The following TMCO1 variants were observed in gnomAD, a reference collection of about 807,000 sequenced individuals.
TMCO1 encodes transmembrane and coiled-coil domains 1.
TMCO1 carries 29 observed loss-of-function variants against 29.3 expected under a neutral mutation model. The observed-to-expected ratio is 0.99, with a 90% confidence interval of 0.74 to 1.35. The LOEUF (loss-of-function observed/expected upper bound fraction) is 1.35, where lower values mean the gene tolerates loss of function less well. TMCO1 is among the 40% of genes most tolerant of loss of function. TMCO1 has a pLI of 0.00. For missense variants in TMCO1, 173 were observed against 225.5 expected (o/e 0.77, Z 1.49); for synonymous variants, 80 against 77.1 (o/e 1.04, Z -0.20).
At chr1:165,754,740 T>A (rs73014620) in intron 3 of TMCO1, 1 of 164,074 alleles carries the variant, frequency 6.1e-6, no homozygotes, top group South Asian at 1.6e-4. Flanking sequence ...AGCTGGGCAA[T>A]CCCAGCTCTT....
At chr1:165,752,617 A>G (rs1467791454) in intron 4 of TMCO1, among the ~76,000 whole-genome samples, 2 of 145,862 alleles carry the variant, frequency 1.4e-5, no homozygotes, top group African/African-American at 5.1e-5. Context: ...ACATGGTGAA[A>G]CCCCATCTCT....
At chr1:165,765,473 G>T (rs1022523664) in intron 2 of TMCO1, among the ~76,000 whole-genome samples, 3 of 152,130 alleles carry the variant, frequency 2.0e-5, no homozygotes, top group Non-Finnish European at 4.4e-5. Context: ...TAGTGGAGAC[G>T]GGGTTTCACT....
At chr1:165,732,477 T>TTCTC (rs143135718) in intron 6 of TMCO1, among the ~76,000 whole-genome samples, 45 of 144,074 alleles carry the variant, frequency 3.1e-4, no homozygotes, top group Middle Eastern at 7.1e-3. Flanking sequence ...AGCAAATGGT[T>TTCTC]TCTCTCTCTC....
intron 4 of TMCO1, among the ~76,000 whole-genome samples, chr1:165,753,783 C>A (rs1652085182): frequency 6.6e-6 from 1 of 152,070 alleles, no homozygotes; most frequent in Non-Finnish European, 1.5e-5. Context: ...TGCATTCCAG[C>A]ATGGTTGACA....
downstream of TMCO1, chr1:165,725,037 T>A (rs1397199037): frequency 4.3e-6 from 1 of 234,600 alleles, no homozygotes; most frequent in Non-Finnish European, 8.2e-6. Context: ...TATATATATA[T>A]ATATATATAT....
chr1:165,726,498 T>C (rs1016274594), downstream of TMCO1: 36 of 507,268 alleles, frequency 7.1e-5, 1 homozygote, highest in East Asian at 5.3e-4. Context: ...TTTACACTGG[T>C]TGAATTCAAA....
chr1:165,734,745 C>A (rs1651302151), intron 6 of TMCO1, among the ~76,000 whole-genome samples: 2 of 152,144 alleles, frequency 1.3e-5, no homozygotes, highest in Non-Finnish European at 2.9e-5. Flanking sequence ...CCTCGTGATC[C>A]ACCTGCCTTG....
intron 2 of TMCO1, among the ~76,000 whole-genome samples, chr1:165,764,061 T>C (rs998038392): frequency 6.6e-6 from 1 of 152,236 alleles, no homozygotes; most frequent in Admixed American, 6.5e-5. Context: ...ATCCATATTA[T>C]ATAAATATTT....
At chr1:165,726,593 T>C (rs758658930), downstream of TMCO1, 13 of 459,036 alleles carry the variant, frequency 2.8e-5, no homozygotes, top group South Asian at 1.9e-4. Flanking sequence ...TAAATGAAGG[T>C]AAGAACAGTA....
At chr1:165,743,402 T>C in intron 5 of TMCO1, 91 bp from the exon 6 acceptor site, 1 of 1,342,976 alleles carries the variant, frequency 7.4e-7, no homozygotes, top group Non-Finnish European at 1.0e-6. Context: ...GAAATAGAGC[T>C]TTAAGTCTCT....
chr1:165,765,841 G>A (rs919760602), intron 2 of TMCO1, among the ~76,000 whole-genome samples: 1 of 152,286 alleles, frequency 6.6e-6, no homozygotes, highest in African/African-American at 2.4e-5. Context: ...GTAGGATGCT[G>A]GCTTTTCTGC....
At position 165,743,312 on chromosome 1, in the gene TMCO1, CT is replaced by C; in HGVS notation, c.324-2del. 1.9e-6 allele frequency: 3 copies of C among 1,561,810 alleles called. No individual in the cohort carries two copies. In the Admixed American group the frequency reaches 5.6e-5, roughly 29 times the overall value. On this transcript the variant is annotated splice_acceptor_variant, in intron 5 of 6. Transcript: ENST00000367881. LOFTEE classifies it high-confidence loss of function. ...CTTTGCCACCACTCTACCATCAAATCTAAAAGAAAAAAAAAAAAAAAGAATT... is the reference window on the plus strand; with the variant it reads ...CTTTGCCACCACTCTACCATCAAATCAAAAGAAAAAAAAAAAAAAAGAATT...
downstream of TMCO1, chr1:165,724,534 T>A: frequency 2.2e-6 from 1 of 454,076 alleles, no homozygotes; most frequent in Non-Finnish European, 4.4e-6. Context: ...GGGAATTTGT[T>A]AGAGATGCAA....
In TMCO1 at chr1:165,760,287, T is replaced by C. The variant is rs1490993833; in HGVS notation, c.149-703A>G. ...TACTAAAAAACATACAAAAATTAGC[T>C]GGGCGTAGTGGCATATGCCTATAAT... On this transcript the variant is annotated intron_variant, in intron 2 of 6. Coordinates refer to ENST00000367881, the MANE Select transcript of TMCO1 (RefSeq NM_019026.6). Among the ~76,000 whole-genome samples, 4 of 151,978 alleles carry C rather than the reference T, an allele frequency of 2.6e-5. No homozygotes were observed. In the East Asian group the frequency reaches 5.8e-4, roughly 22 times the overall value.
In TMCO1 at chr1:165,768,726, A is replaced by G. The variant is rs1332024737; in HGVS notation, c.26T>C (p.Leu9Pro). 3.1e-6 allele frequency: 5 copies of G among 1,614,000 alleles called. No homozygotes were observed. The highest frequency in any genetic ancestry group is 2.2e-5 in the South Asian group (2 of 91,080). ...GCACACAGAGATAAAAACGATGAGG[A>G]GAGTGTCCGCGAACATAGTGCTCAT... MSTMFADT[L>P]LIVFISVCTA... Residue 9 changes from leucine (L) to proline (P), a missense_variant, in exon 1 of 7, where the codon CTC becomes CCC. Physicochemically the swap from Leu to Pro is moderately conservative, Grantham distance 98. Transcript: ENST00000367881.
chr1:165,757,195 A>G (rs1652227066), intron 3 of TMCO1, among the ~76,000 whole-genome samples: 1 of 152,226 alleles, frequency 6.6e-6, no homozygotes, highest in Non-Finnish European at 1.5e-5. Flanking sequence ...TCAAAAGACA[A>G]TTGTGTAATG....
chr1:165,746,935 G>A (rs1168991880), intron 5 of TMCO1, among the ~76,000 whole-genome samples: 1 of 152,102 alleles, frequency 6.6e-6, no homozygotes, highest in Non-Finnish European at 1.5e-5. Flanking sequence ...GGAGAGTTCA[G>A]GAAGATGTCC....
At chr1:165,760,502 CT>C (rs1652362338) in intron 2 of TMCO1, among the ~76,000 whole-genome samples, 1 of 151,488 alleles carries the variant, frequency 6.6e-6, no homozygotes, top group Admixed American at 6.6e-5. Flanking sequence ...TAACAATAAG[CT>C]TTTGAAAAAG....
rs1305526569 is a variant in TMCO1 at position 165,728,123 on chromosome 1, T to G, written c.469-2A>C. 2 of 1,606,472 alleles carry G rather than the reference T, an allele frequency of 1.2e-6. No homozygotes were observed. Among genetic ancestry groups the G allele is most frequent in the Non-Finnish European group, 1.7e-6 (2 of 1,174,994 alleles). ...AAGGCCGAGAATCTTCTGAATGTTC[T>G]GTGAAGAAAGCACAGTAAGGATTGG... On this transcript the variant is annotated splice_acceptor_variant, in intron 6 of 6. Transcript: ENST00000367881. LOFTEE classifies it high-confidence loss of function.
Sources: allele counts gnomAD v4.1 joint callset (sites outside exome capture counted in the v4.1 genomes callset), GRCh38; gene constraint gnomAD v4.1.1; transcripts MANE v1.5; gene names NCBI Gene and HGNC (gene_info 2026-07-23, HGNC 2026-07-21).